NMNAT2: variants seen among roughly 807,000 people sequenced by gnomAD.
NMNAT2 encodes nicotinamide nucleotide adenylyltransferase 2, also known as nicotinamide/nicotinic acid mononucleotide adenylyltransferase 2.
In NMNAT2, 11 loss-of-function variants were observed where a neutral mutation model predicts 41.6. The ratio of observed to expected loss-of-function variants is 0.26; its 90% CI spans 0.17 to 0.44. The LOEUF (loss-of-function observed/expected upper bound fraction) is 0.44. NMNAT2 is among the 20% of genes least tolerant of loss of function. The pLI is 1.00. For missense variants in NMNAT2, 288 were observed against 407.7 expected, an observed-to-expected ratio of 0.71 and a Z score of 2.53; for synonymous variants, 148 against 151.2, an observed-to-expected ratio of 0.98 and a Z score of 0.16.
chr1:183,294,682 C>A (rs1048940091), intron 1 of NMNAT2, among the ~76,000 whole-genome samples: 8 of 152,064 alleles, frequency 5.3e-5, no homozygotes, highest in African/African-American at 1.9e-4. Flanking sequence ...CCTAGTTACT[C>A]GGGAGACTGA....
chr1:183,284,376 C>T (rs1043882469), intron 6 of NMNAT2, among the ~76,000 whole-genome samples: 1 of 152,222 alleles, frequency 6.6e-6, no homozygotes, highest in Non-Finnish European at 1.5e-5. Context: ...AACATCCTTA[C>T]AACCTAGGGA....
At chr1:183,329,147 G>T (rs917282751) in intron 1 of NMNAT2, among the ~76,000 whole-genome samples, 1 of 152,082 alleles carries the variant, frequency 6.6e-6, no homozygotes, top group Non-Finnish European at 1.5e-5. Flanking sequence ...TGCCTATGGG[G>T]GTTCATGATT....
chr1:183,284,603 G>T, intron 6 of NMNAT2, 107 bp downstream of exon 6: 1 of 935,904 alleles, frequency 1.1e-6, no homozygotes, highest in Non-Finnish European at 1.8e-6. Flanking sequence ...ACACAATCAC[G>T]GGAATTTGCG....
chr1:183,301,445 T>C (rs1240092951), intron 1 of NMNAT2, among the ~76,000 whole-genome samples: 1 of 152,254 alleles, frequency 6.6e-6, no homozygotes, highest in Non-Finnish European at 1.5e-5. Context: ...TGGAATTTAA[T>C]TTCATGCCAG....
intron 1 of NMNAT2, among the ~76,000 whole-genome samples, chr1:183,389,129 G>A (rs186803572): frequency 3.9e-5 from 6 of 152,092 alleles, no homozygotes; most frequent in African/African-American, 1.2e-4. Context: ...CCAGCTCCTC[G>A]CCTGCCAGCT....
intron 6 of NMNAT2, 42 bp downstream of exon 6, chr1:183,284,668 G>T: frequency 6.6e-7 from 1 of 1,519,270 alleles, no homozygotes; most frequent in South Asian, 1.1e-5. Context: ...AGGAGAGAAA[G>T]AAAAGAGACA....
intron 7 of NMNAT2, chr1:183,283,340 C>T (rs760340080): frequency 6.2e-4 from 95 of 153,786 alleles, no homozygotes; most frequent in Non-Finnish European, 1.2e-3. Flanking sequence ...CCTGCCCTTT[C>T]CCCAGCTTCA....
At chr1:183,299,933 G>A (rs1429568700) in intron 1 of NMNAT2, among the ~76,000 whole-genome samples, 1 of 152,162 alleles carries the variant, frequency 6.6e-6, no homozygotes, top group Non-Finnish European at 1.5e-5. Flanking sequence ...TGGTCTGTAT[G>A]TCTGTCTCTC....
At chr1:183,333,833 C>CT (rs1209226500) in intron 1 of NMNAT2, among the ~76,000 whole-genome samples, 1 of 152,224 alleles carries the variant, frequency 6.6e-6, no homozygotes, top group African/African-American at 2.4e-5. Flanking sequence ...GCTGCTGGTG[C>CT]TTCCCCCTCC....
At chr1:183,283,886 T>G (rs1464921339) in intron 7 of NMNAT2, 109 bp downstream of exon 7, 9 of 1,047,938 alleles carry the variant, frequency 8.6e-6, no homozygotes, top group Non-Finnish European at 1.5e-6. Flanking sequence ...GAGACCCTGC[T>G]GCAAAACAGT....
chr1:183,294,135 C>T (rs1359821880), intron 1 of NMNAT2, among the ~76,000 whole-genome samples: 1 of 152,040 alleles, frequency 6.6e-6, no homozygotes, highest in Non-Finnish European at 1.5e-5. Flanking sequence ...TTGTCACTTG[C>T]AGGAGTTATA....
At chr1:183,256,146 G>C (rs886177555) in intron 10 of NMNAT2, among the ~76,000 whole-genome samples, 1 of 151,994 alleles carries the variant, frequency 6.6e-6, no homozygotes, top group Non-Finnish European at 1.5e-5. Context: ...GGTGGCTCAC[G>C]CGTGTAATCC....
chr1:183,372,141 C>A (rs1179898502), intron 1 of NMNAT2, among the ~76,000 whole-genome samples: 1 of 152,150 alleles, frequency 6.6e-6, no homozygotes, highest in East Asian at 1.9e-4. Flanking sequence ...TACGTCCACT[C>A]TTCTGGAAAA....
intron 1 of NMNAT2, among the ~76,000 whole-genome samples, chr1:183,410,413 T>C (rs950304513): frequency 2.6e-5 from 4 of 151,856 alleles, no homozygotes; most frequent in Non-Finnish European, 4.4e-5. Flanking sequence ...ACAGAAATAA[T>C]AACTTTAAAA....
At chr1:183,380,694 C>A (rs988818756) in intron 1 of NMNAT2, among the ~76,000 whole-genome samples, 1 of 151,892 alleles carries the variant, frequency 6.6e-6, no homozygotes, top group African/African-American at 2.4e-5. Context: ...AATGGAAATT[C>A]GACAGATCAA....
At chr1:183,412,049 G>A (rs1338352027) in intron 1 of NMNAT2, among the ~76,000 whole-genome samples, 3 of 152,192 alleles carry the variant, frequency 2.0e-5, no homozygotes, top group African/African-American at 7.2e-5. Flanking sequence ...TGAAGTGGAA[G>A]AGATGCGTTA....
Position 183,341,749 on chromosome 1 carries a change from C to CAAAAAAAAAAAAAAAAAAAAAAAAAA in NMNAT2, c.86-47957_86-47956insTTTTTTTTTTTTTTTTTTTTTTTTTT, listed in dbSNP as rs1475480146. On this transcript the variant is annotated intron_variant, in intron 1 of 10. Coordinates refer to ENST00000287713, the MANE Select transcript of NMNAT2 (RefSeq NM_015039.4). Reference sequence around the variant, plus strand: ...CCAAAAAAAAAAAAAAAAAAAAAACCTGTTTCCTTCACTCCAGGTTACTTT... The same window carrying CAAAAAAAAAAAAAAAAAAAAAAAAAA: ...CCAAAAAAAAAAAAAAAAAAAAAACCAAAAAAAAAAAAAAAAAAAAAAAAAATGTTTCCTTCACTCCAGGTTACTTT... Among the ~76,000 whole-genome samples the CAAAAAAAAAAAAAAAAAAAAAAAAAA allele has an allele frequency of 4.4e-4, 14 of 31,678 alleles. 2 individuals are homozygous for CAAAAAAAAAAAAAAAAAAAAAAAAAA. Among genetic ancestry groups the CAAAAAAAAAAAAAAAAAAAAAAAAAA allele is most frequent in the Non-Finnish European group, 8.4e-4 (13 of 15,550 alleles). 20.8% of individuals were successfully genotyped at this position (31,678 alleles called of 152,430 possible).
At chr1:183,371,060 C>T (rs1378738046) in intron 1 of NMNAT2, among the ~76,000 whole-genome samples, 4 of 152,104 alleles carry the variant, frequency 2.6e-5, no homozygotes, top group Non-Finnish European at 5.9e-5. Flanking sequence ...TGGATTCCCC[C>T]ACACCTCCAC....
At chr1:183,368,904 T>C (rs1663470677) in intron 1 of NMNAT2, among the ~76,000 whole-genome samples, 1 of 152,202 alleles carries the variant, frequency 6.6e-6, no homozygotes. Context: ...GCAAGCAGTG[T>C]TCCATTTATA....
Sources: allele counts gnomAD v4.1 joint callset (sites outside exome capture counted in the v4.1 genomes callset), GRCh38; gene constraint gnomAD v4.1.1; transcripts MANE v1.5; gene names NCBI Gene and HGNC (gene_info 2026-07-23, HGNC 2026-07-21).